The following SF3B3 variants were observed in gnomAD, a reference collection of about 807,000 sequenced individuals.
SF3B3 encodes the protein SAP 130.
A neutral mutation model predicts 139.2 loss-of-function variants in SF3B3; 33 were observed. The ratio of observed to expected loss-of-function variants is 0.24; its 90% confidence interval spans 0.18 to 0.32. The LOEUF (loss-of-function observed/expected upper bound fraction) is 0.32, where lower values mean the gene tolerates loss of function less well. Ranked by LOEUF, SF3B3 falls within the 10% of genes least tolerant of loss-of-function variation. The probability of loss-of-function intolerance (pLI) is 1.00; values close to 1 mark genes in which losing one functional copy is unlikely to be tolerated. For synonymous variants in SF3B3, 596 were observed against 563.6 expected, an observed-to-expected ratio of 1.06 and a Z score of -0.81; for missense variants, 818 against 1,509.4, an observed-to-expected ratio of 0.54 and a Z score of 7.59.
intron 10 of SF3B3, among the ~76,000 whole-genome samples, chr16:70,546,352 C>CA (rs1439340185): frequency 3.9e-5 from 6 of 152,180 alleles, no homozygotes; most frequent in Non-Finnish European, 7.4e-5. Context: ...GTGCTTTACA[C>CA]AAAAAATGCA....
At chr16:70,552,300 A>C (rs2050335041) in intron 11 of SF3B3, among the ~76,000 whole-genome samples, 16 of 152,214 alleles carry the variant, frequency 1.1e-4, no homozygotes, top group Admixed American at 1.0e-3. Context: ...TAATGAGAAC[A>C]TGGGAAATGA....
chr16:70,564,984 G>A, intron 18 of SF3B3, 81 bp from the exon 19 acceptor site: 1 of 1,298,942 alleles, frequency 7.7e-7, no homozygotes, highest in Non-Finnish European at 1.1e-6. Flanking sequence ...ACCCCCTGGA[G>A]TGTTCTTGCT....
In SF3B3 at chr16:70,574,177, T is replaced by A. The variant is rs926157735; in HGVS notation, c.*2364T>A. On this transcript the variant is annotated 3_prime_UTR_variant, in exon 26 of 26. Coordinates refer to ENST00000302516, the MANE Select transcript of SF3B3 (RefSeq NM_012426.5). The stretch of plus-strand genomic sequence containing the variant: ...TTTTTTTAATTCCTAAGTTCTGTTT[T>A]ATTTTTTAATTTTTTAAAAAAAATT... The A allele has an allele frequency of 3.3e-5, 5 of 152,184 alleles. No homozygotes were observed. Among genetic ancestry groups the A allele is most frequent in the African/African-American group, 1.2e-4 (5 of 41,440 alleles). 9.4% of individuals were successfully genotyped at this position (152,184 alleles called of 1,614,324 possible).
chr16:70,535,504 G>A, intron 6 of SF3B3, 84 bp downstream of exon 6: 1 of 696,410 alleles, frequency 1.4e-6, no homozygotes. Flanking sequence ...TACCAATTTA[G>A]TTTTTTTGTA....
intron 11 of SF3B3, chr16:70,554,159 A>G (rs1442953257): frequency 7.4e-6 from 2 of 271,154 alleles, no homozygotes; most frequent in South Asian, 5.3e-5. Context: ...ATATTGTAGT[A>G]TTTAAAATGT....
chr16:70,574,892 C>T lies in SF3B3; in HGVS notation c.*3079C>T, dbSNP rs574360534. The T allele has an allele frequency of 6.6e-6, 1 of 152,326 alleles. No homozygotes were observed. The highest frequency in any genetic ancestry group is 6.5e-5 in the Admixed American group (1 of 15,304). The allele number at this position is 152,326 out of a possible 1,614,324, so 9.4% of individuals were successfully genotyped here. A position where few individuals can be genotyped will look rare whatever the true frequency, so the allele number is the denominator to read the frequency against. On this transcript the variant is annotated 3_prime_UTR_variant, in exon 26 of 26. Transcript: ENST00000302516. ...TATTGTATGTGAATATTTTATTACA[C>T]CCTTAAAATTAATTTTCAAGGGCTA...
chr16:70,566,978 A>AAGTCCAGGC (rs2050482954), intron 20 of SF3B3, among the ~76,000 whole-genome samples: 1 of 152,056 alleles, frequency 6.6e-6, no homozygotes. Context: ...TGAGCCCAGG[A>AAGTCCAGGC]AGTCCAGGCT....
chr16:70,560,457 CCTT>C lies in SF3B3; in HGVS notation c.2011-11_2011-9del, dbSNP rs2050418722. 1 of 1,612,676 alleles carries C rather than the reference CCTT, an allele frequency of 6.2e-7. No homozygotes were observed. The highest frequency in any genetic ancestry group is 8.5e-7 in the Non-Finnish European group (1 of 1,179,114). ...TCCATCAGGCTTCACCTGCTCCTCT[CCTT>C]TTGATTAGAACGGTGTGCTGCTGAG... On this transcript the variant is annotated splice_polypyrimidine_tract_variant and intron_variant, in intron 15 of 25. Transcript: ENST00000302516.
In SF3B3 at chr16:70,567,471, G is replaced by A; in HGVS notation, c.2887G>A (p.Val963Met). 1.2e-6 allele frequency: 2 copies of A among 1,614,130 alleles called. No homozygotes were observed. Among genetic ancestry groups the A allele is most frequent in the Non-Finnish European group, 1.7e-6 (2 of 1,179,988 alleles). Residue 963 changes from valine (V) to methionine (M), a missense_variant, in exon 21 of 26, where the codon GTG becomes ATG. Physicochemically the swap from Val to Met is conservative, Grantham distance 21 (BLOSUM62 1). This residue lies in a region of SF3B3 where 145 missense variants were observed against 153.6 expected (regional missense o/e 0.94). Transcript: ENST00000302516. The stretch of plus-strand genomic sequence containing the variant: ...ATTCCAGGGGAGGGTGTTGATTGGT[G>A]TGGGGAAGCTGTTGCGTGTCTATGA... ...APFQGRVLIG[V>M]GKLLRVYDLG...
At chr16:70,571,449 G>A (rs1345958200) in intron 25 of SF3B3, among the ~76,000 whole-genome samples, 1 of 152,136 alleles carries the variant, frequency 6.6e-6, no homozygotes, top group Non-Finnish European at 1.5e-5. Flanking sequence ...TGGGCGTGGT[G>A]GCACACATTT....
rs976365246 is a variant in SF3B3 at position 70,560,674 on chromosome 16, CTG to C, written c.2133+85_2133+86del. ...AGAACAATCTTTGCTGTAAGCTTCA[CTG>C]TCACTAATTTGCCACTCCATCTTGA... On this transcript the variant is annotated intron_variant, in intron 16 of 25. Transcript: ENST00000302516. The C allele has an allele frequency of 1.5e-5, 22 of 1,497,196 alleles. No homozygotes were observed. In the African/African-American group the frequency reaches 2.9e-4, roughly 20 times the overall value. The allele number at this position is 1,497,196 out of a possible 1,614,324, so 92.7% of individuals were successfully genotyped here.
Position 70,576,946 on chromosome 16 carries a change from A to T in SF3B3, c.*5133A>T, listed in dbSNP as rs1299822825. On this transcript the variant is annotated 3_prime_UTR_variant, in exon 26 of 26. Transcript: ENST00000302516. ...GGAGTTTGAGACCAGCCTGGGCAAC[A>T]TGACAAAACCCCATCTCTCCAAAAA... 2 of 152,306 alleles carry T rather than the reference A, an allele frequency of 1.3e-5. No individual in the cohort carries two copies. 9.4% of individuals were successfully genotyped at this position (152,306 alleles called of 1,614,324 possible).
chr16:70,541,596 T>C, intron 8 of SF3B3, 73 bp from the exon 9 acceptor site: 1 of 1,233,362 alleles, frequency 8.1e-7, no homozygotes, highest in Non-Finnish European at 1.2e-6. Flanking sequence ...GCTTGTGCTT[T>C]ATGTTGATGC....
intron 24 of SF3B3, 89 bp downstream of exon 24, chr16:70,570,238 A>G: frequency 1.6e-6 from 2 of 1,251,026 alleles, no homozygotes; most frequent in East Asian, 2.4e-5. Flanking sequence ...ATTTGTCCCC[A>G]CATATAATTA....
chr16:70,543,161 A>G (rs1247430895), intron 9 of SF3B3, among the ~76,000 whole-genome samples: 5 of 151,486 alleles, frequency 3.3e-5, no homozygotes, highest in Middle Eastern at 3.4e-3. Context: ...TAATCCCAGC[A>G]CTTTGGGAGG....
chr16:70,569,293 A>C, intron 23 of SF3B3, 152 bp downstream of exon 23: 1 of 565,204 alleles, frequency 1.8e-6, no homozygotes, highest in Non-Finnish European at 3.1e-6. Context: ...ATCTGCAAAA[A>C]ATCTCCTTGG....
intron 11 of SF3B3, among the ~76,000 whole-genome samples, chr16:70,548,727 A>T (rs755228353): frequency 1.3e-5 from 2 of 152,244 alleles, no homozygotes; most frequent in Non-Finnish European, 2.9e-5. Context: ...CTTTATATTC[A>T]TAAAGGTACT....
chr16:70,569,272 C>CT (rs1219129250), intron 23 of SF3B3, 131 bp downstream of exon 23: 13 of 606,812 alleles, frequency 2.1e-5, no homozygotes, highest in African/African-American at 3.7e-5. Flanking sequence ...GTCCACAGTC[C>CT]TTTCTTACCA....
intron 15 of SF3B3, among the ~76,000 whole-genome samples, chr16:70,559,303 T>C (rs1428766522): frequency 1.3e-5 from 2 of 152,184 alleles, no homozygotes; most frequent in Non-Finnish European, 2.9e-5. Flanking sequence ...ATAATTTTTT[T>C]CCCATTGTTC....
Sources: allele counts gnomAD v4.1 joint callset (sites outside exome capture counted in the v4.1 genomes callset), GRCh38; gene constraint gnomAD v4.1.1; regional missense constraint gnomAD v4.1.1; transcripts MANE v1.5; gene names NCBI Gene and HGNC (gene_info 2026-07-23, HGNC 2026-07-21).